The following ARPC1B variants were observed in gnomAD, a reference collection of about 807,000 sequenced individuals.
ARPC1B encodes actin related protein 2/3 complex subunit 1B.
Under a neutral mutation model 46.0 loss-of-function variants are expected in ARPC1B, and 29 were observed. The observed-to-expected ratio is 0.63, with a 90% CI of 0.47 to 0.86. ARPC1B has a LOEUF of 0.86. ARPC1B is among the 40% of genes least tolerant of loss of function. The probability of loss-of-function intolerance (pLI) is 0.00; values close to 1 mark genes in which losing one functional copy is unlikely to be tolerated. For missense variants in ARPC1B, 469 were observed against 529.4 expected, an observed-to-expected ratio of 0.89 and a Z score of 1.12; for synonymous variants, 201 against 213.9, an observed-to-expected ratio of 0.94 and a Z score of 0.53.
Position 99,394,078 on chromosome 7 carries a change from AC to A in ARPC1B, c.1041del (p.Thr348LeufsTer7). The A allele has an allele frequency of 6.2e-7, 1 of 1,613,640 alleles. No individual in the cohort carries two copies. On this transcript the variant is annotated frameshift_variant, in exon 9 of 10. Coordinates refer to ENST00000646101, the MANE Select transcript of ARPC1B (RefSeq NM_005720.4). LOFTEE classifies it high-confidence loss of function. ...CAAGGCCAAGTGCTCGCAGTTCTGC[AC>A]CACTGGCATGGATGGCGGCATGAGT... ...GGKAKCSQFC[T>X]TGMDGGMSIW... is the part of the protein sequence containing the mutation.
chr7:99,375,175 CG>C (rs1793996871), intron 1 of ARPC1B, among the ~76,000 whole-genome samples: 1 of 152,194 alleles, frequency 6.6e-6, no homozygotes, highest in Non-Finnish European at 1.5e-5. Flanking sequence ...CCCTGCTCCC[CG>C]GCCCCCATCC....
chr7:99,383,692 C>T (rs1474214310), intron 1 of ARPC1B, among the ~76,000 whole-genome samples: 1 of 152,196 alleles, frequency 6.6e-6, no homozygotes, highest in Non-Finnish European at 1.5e-5. Context: ...GAGCGAGAGC[C>T]GTGTGTGCCG....
chr7:99,390,168 T>A (rs2150895524), intron 5 of ARPC1B, 156 bp downstream of exon 5: 1 of 652,288 alleles, frequency 1.5e-6, no homozygotes. Context: ...AAGGTTCTAG[T>A]TCCTGGGGAA....
chr7:99,381,097 C>T (rs867687986), intron 1 of ARPC1B, among the ~76,000 whole-genome samples: 61 of 152,292 alleles, frequency 4.0e-4, no homozygotes, highest in African/African-American at 1.3e-3. Flanking sequence ...AGGGAAACCC[C>T]CATCAGACCT....
intron 4 of ARPC1B, chr7:99,388,588 GCAGT>G (rs1220282750): frequency 7.9e-6 from 2 of 252,876 alleles, no homozygotes; most frequent in Non-Finnish European, 7.7e-6. Flanking sequence ...AGGCCCTGTA[GCAGT>G]CACTTTCTCA....
intron 1 of ARPC1B, among the ~76,000 whole-genome samples, chr7:99,381,113 C>G (rs1010086232): frequency 6.6e-6 from 1 of 152,202 alleles, no homozygotes; most frequent in African/African-American, 2.4e-5. Flanking sequence ...GACCTGCTGA[C>G]ATGGCTGAGG....
intron 4 of ARPC1B, 136 bp downstream of exon 4, chr7:99,388,397 C>A: frequency 1.2e-6 from 1 of 842,168 alleles, no homozygotes; most frequent in Non-Finnish European, 1.9e-6. Context: ...CCTCTCTGGG[C>A]CTCATTCATG....
At chr7:99,387,983 C>T (rs1192702504) in intron 3 of ARPC1B, 56 bp from the exon 4 acceptor site, 4 of 1,227,860 alleles carry the variant, frequency 3.3e-6, no homozygotes, top group Admixed American at 1.8e-5. Context: ...GGCCACCATA[C>T]AGCCACCTCT....
intron 8 of ARPC1B, 139 bp downstream of exon 8, chr7:99,393,015 A>T (rs1794621926): frequency 1.0e-6 from 1 of 963,632 alleles, no homozygotes; most frequent in Non-Finnish European, 1.5e-6. Context: ...GAGGGAGGGT[A>T]GGCGTGCCCT....
In ARPC1B at chr7:99,392,768, G is replaced by A; in HGVS notation, c.881G>A (p.Arg294His). Residue 294 changes from arginine (R) to histidine (H), a missense_variant, in exon 8 of 10, where the codon CGT becomes CAT. Physicochemically the swap from Arg to His is conservative, Grantham distance 29 (BLOSUM62 0). Transcript: ENST00000646101. The part of the protein sequence containing the change: ...RLDVPKQSSQ[R>H]GLTARERFQN... The stretch of plus-strand genomic sequence containing the variant: ...GACGTTCCTAAGCAGAGCTCGCAGC[G>A]TGGCTTGACGGCCCGCGAGCGCTTC... The A allele has an allele frequency of 6.5e-7, 1 of 1,549,798 alleles. No individual in the cohort carries two copies. Among genetic ancestry groups the A allele is most frequent in the Non-Finnish European group, 8.7e-7 (1 of 1,146,652 alleles).
chr7:99,388,350 AC>A (rs1794462678), intron 4 of ARPC1B, 89 bp downstream of exon 4: 2 of 1,310,790 alleles, frequency 1.5e-6, no homozygotes, highest in South Asian at 2.6e-5. Flanking sequence ...GGATGTCAGG[AC>A]CCCTGTTCCC....
intron 1 of ARPC1B, among the ~76,000 whole-genome samples, chr7:99,384,945 A>G (rs1254959224): frequency 2.9e-5 from 3 of 104,184 alleles, no homozygotes; most frequent in Non-Finnish European, 5.7e-5. Flanking sequence ...GTGCCACCAC[A>G]CCTGGCTAAT....
chr7:99,383,643 A>G (rs1295644344), intron 1 of ARPC1B, among the ~76,000 whole-genome samples: 1 of 152,208 alleles, frequency 6.6e-6, no homozygotes, highest in Non-Finnish European at 1.5e-5. Context: ...GGCCTCCCCA[A>G]AAGTTGACAT....
At chr7:99,394,401 G>GT in intron 9 of ARPC1B, 50 bp from the exon 10 acceptor site, 1 of 1,493,464 alleles carries the variant, frequency 6.7e-7, no homozygotes. Flanking sequence ...TGGGAGTGGG[G>GT]TGCCTGCAGG....
In ARPC1B at chr7:99,386,698, C is replaced by A; in HGVS notation, c.78C>A (p.Cys26Ter). ...TCTCCCCTTCAGAGATTGCCATCTGCCCCAACAACCATGAGGTGCATATCT... is the reference window on the plus strand; with the variant it reads ...TCTCCCCTTCAGAGATTGCCATCTGACCCAACAACCATGAGGTGCATATCT... ...WNKDRTQIAI[C>*]PNNHEVHIYE... Residue 26 changes from cysteine to a stop codon, truncating the protein, a stop_gained, in exon 3 of 10, where the codon TGC becomes TGA. Coordinates refer to ENST00000646101, the MANE Select transcript of ARPC1B (RefSeq NM_005720.4). LOFTEE classifies it high-confidence loss of function. The A allele has an allele frequency of 6.2e-7, 1 of 1,613,922 alleles. No homozygotes were observed. The highest frequency in any genetic ancestry group is 8.5e-7 in the Non-Finnish European group (1 of 1,179,870).
rs773085531 is a variant in ARPC1B at position 99,394,779 on chromosome 7, T to TAAAA, written c.*309_*312dup. 127 of 957,820 alleles carry TAAAA rather than the reference T, an allele frequency of 1.3e-4. No individual in the cohort carries two copies. Among genetic ancestry groups the TAAAA allele is most frequent in the African/African-American group, 5.6e-4 (24 of 42,908 alleles). The allele number at this position is 957,820 out of a possible 1,614,324, so 59.3% of individuals were successfully genotyped here. A position where few individuals can be genotyped will look rare whatever the true frequency, so the allele number is the denominator to read the frequency against. On this transcript the variant is annotated 3_prime_UTR_variant, in exon 10 of 10. Coordinates refer to ENST00000646101, the MANE Select transcript of ARPC1B (RefSeq NM_005720.4). ...GTGGAGGTAATAAAATGCAACTGTG[T>TAAAA]AAAAAAAAAAAAAAAAAAAAAAGTA... is the stretch of plus-strand genomic sequence containing the variant.
At position 99,384,954 on chromosome 7, in the gene ARPC1B, ATTTTTTTT is replaced by A. The variant is rs753952597; in HGVS notation, c.-13-726_-13-719del. On this transcript the variant is annotated intron_variant, in intron 1 of 9. Transcript: ENST00000646101. ...AGGCAGGTGCCACCACACCTGGCTAATTTTTTTTTTTTTTTTTTTTTTTTTTTTTGAGA... is the reference window on the plus strand; with the variant it reads ...AGGCAGGTGCCACCACACCTGGCTAATTTTTTTTTTTTTTTTTTTTTGAGA... Among the ~76,000 whole-genome samples, 51 of 67,416 alleles carry A rather than the reference ATTTTTTTT, an allele frequency of 7.6e-4. No homozygotes were observed. In the East Asian group the frequency reaches 0.019, roughly 26 times the overall value. 44.2% of individuals were successfully genotyped at this position (67,416 alleles called of 152,430 possible).
chr7:99,383,927 T>C (rs114824568), intron 1 of ARPC1B: 1 of 152,270 alleles, frequency 6.6e-6, no homozygotes, highest in Non-Finnish European at 1.5e-5. Flanking sequence ...TCAGCATCTC[T>C]GCTGGGAGGC....
At chr7:99,387,922 TG>T in intron 3 of ARPC1B, 116 bp from the exon 4 acceptor site, 1 of 694,560 alleles carries the variant, frequency 1.4e-6, no homozygotes, top group South Asian at 1.8e-5. Context: ...AAGTGCCTGC[TG>T]GGCAGATACA....
Sources: allele counts gnomAD v4.1 joint callset (sites outside exome capture counted in the v4.1 genomes callset), GRCh38; gene constraint gnomAD v4.1.1; transcripts MANE v1.5; gene names NCBI Gene and HGNC (gene_info 2026-07-23, HGNC 2026-07-21).